The following MTHFD2L variants were observed in gnomAD, a reference collection of about 807,000 sequenced individuals.
MTHFD2L encodes bifunctional methylenetetrahydrofolate dehydrogenase/cyclohydrolase 2, mitochondrial.
Under a neutral mutation model 34.9 loss-of-function variants are expected in MTHFD2L, and 29 were observed. The ratio of observed to expected loss-of-function variants is 0.83; its 90% CI spans 0.62 to 1.13. The LOEUF is 1.13. Ranked by LOEUF, MTHFD2L falls within the 50% of genes most tolerant of loss-of-function variation. The probability of loss-of-function intolerance (pLI) is 0.00; values close to 1 mark genes in which losing one functional copy is unlikely to be tolerated. For synonymous variants in MTHFD2L, 167 were observed against 155.7 expected, an observed-to-expected ratio of 1.07 and a Z score of -0.54; for missense variants, 481 against 446.5, an observed-to-expected ratio of 1.08 and a Z score of -0.70.
intron 6 of MTHFD2L, among the ~76,000 whole-genome samples, chr4:74,238,016 CT>C (rs762770362): frequency 2.6e-5 from 4 of 152,112 alleles, no homozygotes; most frequent in Non-Finnish European, 5.9e-5. Context: ...AATGTGTTGA[CT>C]ATCAGAAAGT....
intron 6 of MTHFD2L, among the ~76,000 whole-genome samples, chr4:74,258,617 A>G (rs1744317087): frequency 6.6e-6 from 1 of 152,204 alleles, no homozygotes; most frequent in South Asian, 2.1e-4. Context: ...TAGAACAAAT[A>G]TCAGATGTAT....
intron 6 of MTHFD2L, among the ~76,000 whole-genome samples, chr4:74,251,625 TA>T (rs1743323181): frequency 6.6e-6 from 1 of 151,848 alleles, no homozygotes; most frequent in Non-Finnish European, 1.5e-5. Flanking sequence ...CTTCCACAAA[TA>T]TGCCTGAAAA....
intron 1 of MTHFD2L, among the ~76,000 whole-genome samples, chr4:74,149,912 T>C (rs1723827837): frequency 6.6e-6 from 1 of 152,216 alleles, no homozygotes; most frequent in African/African-American, 2.4e-5. Context: ...CTTTGAGATA[T>C]GGATATTATC....
intron 7 of MTHFD2L, among the ~76,000 whole-genome samples, chr4:74,301,295 T>G (rs1339284793): frequency 3.9e-5 from 6 of 152,100 alleles, no homozygotes; most frequent in African/African-American, 1.4e-4. Context: ...ATAATTCTAT[T>G]TAATAAATGG....
intron 5 of MTHFD2L, among the ~76,000 whole-genome samples, chr4:74,222,416 A>C (rs1738367446): frequency 6.6e-6 from 1 of 152,152 alleles, no homozygotes; most frequent in Non-Finnish European, 1.5e-5. Context: ...AGAGCAAGAC[A>C]GAAGTGGGCT....
intron 2 of MTHFD2L, among the ~76,000 whole-genome samples, chr4:74,117,473 T>G (rs1721674801): frequency 6.6e-6 from 1 of 152,164 alleles, no homozygotes; most frequent in Non-Finnish European, 1.5e-5. Flanking sequence ...CTTCAGATCT[T>G]AATCTGTACA....
At chr4:74,135,278 G>C (rs1281546204) in intron 1 of MTHFD2L, among the ~76,000 whole-genome samples, 1 of 151,964 alleles carries the variant, frequency 6.6e-6, no homozygotes, top group Non-Finnish European at 1.5e-5. Context: ...GAAAAAAAGA[G>C]AGAAGACCCA....
intron 5 of MTHFD2L, 133 bp from the exon 6 acceptor site, chr4:74,225,169 G>T: frequency 1.5e-6 from 1 of 672,794 alleles, no homozygotes; most frequent in Non-Finnish European, 2.5e-6. Context: ...TAGCTTTTGT[G>T]CTCAAAGTGA....
chr4:74,269,151 A>T (rs528247855), intron 6 of MTHFD2L, among the ~76,000 whole-genome samples: 1 of 152,318 alleles, frequency 6.6e-6, no homozygotes, highest in Non-Finnish European at 1.5e-5. Flanking sequence ...AAGTTTCCCA[A>T]GGAGACTGTT....
intron 6 of MTHFD2L, among the ~76,000 whole-genome samples, chr4:74,251,694 C>G (rs1367844268): frequency 6.6e-6 from 1 of 152,158 alleles, no homozygotes; most frequent in Non-Finnish European, 1.5e-5. Flanking sequence ...CCCCATTGTG[C>G]TTGATTTCCT....
At chr4:74,191,381 C>A (rs1284004796) in intron 3 of MTHFD2L, among the ~76,000 whole-genome samples, 1 of 146,012 alleles carries the variant, frequency 6.8e-6, no homozygotes, top group Admixed American at 6.7e-5. Context: ...TTTTTCATGT[C>A]CAGAAAGGAA....
chr4:74,139,065 C>T (rs1723129926), intron 1 of MTHFD2L, among the ~76,000 whole-genome samples: 3 of 152,192 alleles, frequency 2.0e-5, no homozygotes, highest in Non-Finnish European at 2.9e-5. Context: ...TCCAGCTAGT[C>T]CTGTCTCTCA....
intron 1 of MTHFD2L, among the ~76,000 whole-genome samples, chr4:74,164,777 T>C (rs1726297532): frequency 6.6e-6 from 1 of 152,242 alleles, no homozygotes; most frequent in Non-Finnish European, 1.5e-5. Context: ...GAGTAGTTTG[T>C]ACTACATAGT....
chr4:74,207,811 A>C (rs933708504), intron 5 of MTHFD2L, among the ~76,000 whole-genome samples: 4 of 131,472 alleles, frequency 3.0e-5, no homozygotes, highest in African/African-American at 1.3e-4. Flanking sequence ...TCTCCCACCT[A>C]CAGGACATAA....
chr4:74,291,300 C>A (rs1461017517), intron 7 of MTHFD2L, among the ~76,000 whole-genome samples: 1 of 151,872 alleles, frequency 6.6e-6, no homozygotes, highest in Non-Finnish European at 1.5e-5. Flanking sequence ...CAGGCATGAG[C>A]CTTCGTGCCT....
chr4:74,151,776 A>G (rs1723955645), intron 1 of MTHFD2L, among the ~76,000 whole-genome samples: 3 of 152,302 alleles, frequency 2.0e-5, no homozygotes, highest in African/African-American at 7.2e-5. Context: ...AATATTAAGC[A>G]TCTTGGTCTT....
At chr4:74,200,071 G>A (rs1734163110) in intron 4 of MTHFD2L, 125 bp downstream of exon 4, 2 of 784,260 alleles carry the variant, frequency 2.6e-6, no homozygotes, top group East Asian at 2.7e-5. Context: ...TAAAACGTCA[G>A]TGTACAGAGA....
Position 74,175,349 on chromosome 4 carries a change from C to G in MTHFD2L, c.397C>G (p.Gln133Glu). Residue 133 changes from glutamine to glutamate, a missense_variant, in exon 3 of 8, where the codon CAA (glutamine) becomes GAA (glutamate). Gln to Glu is a conservative substitution (Grantham distance 29). Coordinates refer to ENST00000325278, the MANE Select transcript of MTHFD2L (RefSeq NM_001144978.3). ...SQEELLDVTD[Q>E]LNMDPRVSGI... is the part of the protein sequence containing the mutation. ...GGAAGAACTTTTGGACGTAACTGAT[C>G]AATTGAATATGGACCCAAGAGTCAG... is the stretch of plus-strand genomic sequence containing the variant. The G allele has an allele frequency of 6.2e-7, 1 of 1,613,090 alleles. No individual in the cohort carries two copies. Among genetic ancestry groups the G allele is most frequent in the Non-Finnish European group, 8.5e-7 (1 of 1,179,312 alleles).
chr4:74,184,868 G>A (rs1275682051), intron 3 of MTHFD2L, among the ~76,000 whole-genome samples: 1 of 152,042 alleles, frequency 6.6e-6, no homozygotes, highest in Non-Finnish European at 1.5e-5. Flanking sequence ...CCTTCTGGAA[G>A]GCTGTGCACA....
Sources: gnomAD v4.1 joint callset for allele counts (sites outside exome capture counted in the v4.1 genomes callset) on GRCh38, gnomAD v4.1.1 for gene constraint, MANE v1.5 for transcripts, NCBI Gene and HGNC (gene_info 2026-07-23, HGNC 2026-07-21) for gene names.